SRBD1: variants seen among roughly 807,000 people sequenced by gnomAD.
SRBD1 encodes the protein S1 RNA-binding domain-containing protein 1.
A neutral mutation model predicts 115.3 loss-of-function variants in SRBD1; 88 were observed. The ratio of observed to expected loss-of-function variants is 0.76; its 90% CI spans 0.64 to 0.91. The LOEUF (loss-of-function observed/expected upper bound fraction) is 0.91, where lower values mean the gene tolerates loss of function less well. Among genes scored for constraint, SRBD1 ranks in the 40% least tolerant of loss-of-function variants. The probability of loss-of-function intolerance (pLI) is 0.00; values close to 1 mark genes in which losing one functional copy is unlikely to be tolerated. For missense variants in SRBD1, 1,385 were observed against 1,177.4 expected, an observed-to-expected ratio of 1.18 and a Z score of -2.58; for synonymous variants, 509 against 407.7, an observed-to-expected ratio of 1.25 and a Z score of -2.99.
intron 14 of SRBD1, among the ~76,000 whole-genome samples, chr2:45,500,585 G>A (rs1355257882): frequency 1.3e-5 from 2 of 152,018 alleles, no homozygotes; most frequent in Admixed American, 1.3e-4. Context: ...ATCATGCCCA[G>A]CTAATTTTTT....
At chr2:45,464,996 A>G in intron 16 of SRBD1, among the ~76,000 whole-genome samples, 1 of 140,284 alleles carries the variant, frequency 7.1e-6, no homozygotes, top group East Asian at 2.3e-4. Flanking sequence ...CATGGTTGAG[A>G]TTGTACACAC....
chr2:45,542,747 A>G (rs1671987439), intron 14 of SRBD1, among the ~76,000 whole-genome samples: 1 of 152,254 alleles, frequency 6.6e-6, no homozygotes, highest in Non-Finnish European at 1.5e-5. Context: ...AGACTTGTAA[A>G]TGAATGCTCA....
intron 14 of SRBD1, among the ~76,000 whole-genome samples, chr2:45,533,511 T>C (rs1384410938): frequency 6.6e-6 from 1 of 152,024 alleles, no homozygotes; most frequent in Non-Finnish European, 1.5e-5. Context: ...TCAACTGAAC[T>C]CTCTAACAGA....
intron 14 of SRBD1, among the ~76,000 whole-genome samples, chr2:45,511,748 C>T (rs1321817986): frequency 6.6e-6 from 1 of 152,182 alleles, no homozygotes; most frequent in East Asian, 1.9e-4. Flanking sequence ...TTATCAAATA[C>T]TTCCCAGTGC....
chr2:45,567,556 G>A (rs1672870811), intron 9 of SRBD1, among the ~76,000 whole-genome samples: 1 of 151,972 alleles, frequency 6.6e-6, no homozygotes, highest in Non-Finnish European at 1.5e-5. Context: ...TTGCAGTGAG[G>A]TGGGATTCTG....
chr2:45,581,544 T>C (rs1358865002), intron 6 of SRBD1, 149 bp downstream of exon 6: 3 of 600,558 alleles, frequency 5.0e-6, no homozygotes, highest in East Asian at 2.9e-5. Flanking sequence ...TCTATAAATA[T>C]TTATTGAATA....
At chr2:45,488,433 AGGG>A in intron 14 of SRBD1, 102 bp from the exon 15 acceptor site, 2 of 836,838 alleles carry the variant, frequency 2.4e-6, no homozygotes, top group Non-Finnish European at 3.8e-6. Context: ...AAAAAATAAC[AGGG>A]CAAACTGTTC....
At chr2:45,555,572 C>T (rs532122925) in intron 10 of SRBD1, among the ~76,000 whole-genome samples, 41 of 149,258 alleles carry the variant, frequency 2.7e-4, no homozygotes, top group African/African-American at 9.9e-4. Context: ...CCCACTGCAA[C>T]CTCCACCTCC....
At chr2:45,424,102 GTAA>G (rs1458680911) in intron 16 of SRBD1, among the ~76,000 whole-genome samples, 1 of 152,046 alleles carries the variant, frequency 6.6e-6, no homozygotes, top group Non-Finnish European at 1.5e-5. Flanking sequence ...ACATACTGAT[GTAA>G]TAATATTACC....
chr2:45,528,730 G>A (rs3821061), intron 14 of SRBD1, among the ~76,000 whole-genome samples: 43,649 of 151,566 alleles, frequency 0.29, 6,528 homozygotes, highest in African/African-American at 0.37. Flanking sequence ...AAGACAAAGC[G>A]GGTGAGGAAA....
rs1666913481 is a variant in SRBD1, at chr2:45,388,718, A to G, written c.*592T>C. The G allele has an allele frequency of 1.3e-5, 2 of 152,516 alleles. No individual in the cohort carries two copies. The highest frequency in any genetic ancestry group is 4.8e-5 in the African/African-American group (2 of 41,454). 9.4% of individuals were successfully genotyped at this position (152,516 alleles called of 1,614,324 possible). On this transcript the variant is annotated 3_prime_UTR_variant, in exon 21 of 21. Coordinates refer to ENST00000263736, the MANE Select transcript of SRBD1 (RefSeq NM_018079.5). The stretch of plus-strand genomic sequence containing the variant: ...ACATTTATTGTTGGGGTCAATACGT[A>G]TATCCTTTTGAGAAGTGTTTCGAGC...
intron 14 of SRBD1, among the ~76,000 whole-genome samples, chr2:45,493,915 C>T (rs1442327012): frequency 6.6e-6 from 1 of 151,906 alleles, no homozygotes; most frequent in African/African-American, 2.4e-5. Context: ...CTGCAGAACT[C>T]TTTGGATGGT....
intron 1 of SRBD1, among the ~76,000 whole-genome samples, chr2:45,610,526 T>C (rs533523950): frequency 6.6e-6 from 1 of 152,372 alleles, no homozygotes; most frequent in East Asian, 1.9e-4. Flanking sequence ...TATAGCCCAG[T>C]GCCTGGAACA....
chr2:45,551,810 A>G (rs1421121999), intron 11 of SRBD1, among the ~76,000 whole-genome samples: 1 of 152,224 alleles, frequency 6.6e-6, no homozygotes, highest in Non-Finnish European at 1.5e-5. Flanking sequence ...AAGAGCTTGG[A>G]TTCTATCCTG....
At chr2:45,587,004 T>TATTTTAAATATTTA (rs1673554533) in intron 4 of SRBD1, among the ~76,000 whole-genome samples, 1 of 95,090 alleles carries the variant, frequency 1.1e-5, no homozygotes, top group African/African-American at 5.3e-5. Flanking sequence ...AATATTTAAT[T>TATTTTAAATATTTA]ATTTTAAATT....
At chr2:45,576,385 A>G (rs1453427714) in intron 7 of SRBD1, among the ~76,000 whole-genome samples, 3 of 152,024 alleles carry the variant, frequency 2.0e-5, no homozygotes, top group African/African-American at 7.3e-5. Context: ...TTAAGTTTTT[A>G]TAAAGTCAAA....
Position 45,418,559 on chromosome 2 carries a change from G to C in SRBD1, c.2157-18C>G, listed in dbSNP as rs376413275. The C allele has an allele frequency of 3.2e-6, 5 of 1,553,318 alleles. No individual in the cohort carries two copies. The highest frequency in any genetic ancestry group is 4.3e-6 in the Non-Finnish European group (5 of 1,152,462). On this transcript the variant is annotated intron_variant, in intron 17 of 20. Transcript: ENST00000263736. Reference sequence around the variant, plus strand: ...CAATATGCCTAGAAAAAAAAAATAAGCAAACTGAAAAAAAGATCTCATCTG... The same window carrying C: ...CAATATGCCTAGAAAAAAAAAATAACCAAACTGAAAAAAAGATCTCATCTG...
At chr2:45,532,764 A>C (rs1671651909) in intron 14 of SRBD1, among the ~76,000 whole-genome samples, 1 of 148,462 alleles carries the variant, frequency 6.7e-6, no homozygotes, top group African/African-American at 2.4e-5. Context: ...ACAAAGATTT[A>C]GCCACATAAA....
intron 14 of SRBD1, among the ~76,000 whole-genome samples, chr2:45,542,832 T>C (rs755652): frequency 0.68 from 103,372 of 152,004 alleles, 36,305 homozygotes; most frequent in African/African-American, 0.84. Context: ...ATAAACTAAT[T>C]GTGATACAGC....
Sources: gnomAD v4.1 joint callset for allele counts (sites outside exome capture counted in the v4.1 genomes callset) on GRCh38, gnomAD v4.1.1 for gene constraint, MANE v1.5 for transcripts, NCBI Gene and HGNC (gene_info 2026-07-23, HGNC 2026-07-21) for gene names.